FREM2: variants seen among roughly 807,000 people sequenced by gnomAD.
FREM2 encodes FRAS1 related extracellular matrix 2.
In FREM2, 119 loss-of-function variants were observed where a neutral mutation model predicts 219.9. That is an observed-to-expected ratio of 0.54 (90% CI 0.47 to 0.63). The LOEUF is 0.63. Among genes scored for constraint, FREM2 ranks in the 30% least tolerant of loss-of-function variants. The pLI, the probability that FREM2 is intolerant of heterozygous loss-of-function variation, is 0.00. For synonymous variants in FREM2, 1,562 were observed against 1,522.8 expected (o/e 1.03, Z -0.60); for missense variants, 4,030 against 3,993.6 (o/e 1.01, Z -0.25).
chr13:38,688,260 C>G lies in FREM2; in HGVS notation c.916C>G (p.Leu306Val). 1 of 1,614,026 alleles carries G rather than the reference C, an allele frequency of 6.2e-7. No homozygotes were observed. The highest frequency in any genetic ancestry group is 8.5e-7 in the Non-Finnish European group (1 of 1,180,032). The change falls in exon 1 of 24, where the codon CTG becomes GTG. Residue 306 changes from leucine to valine, a missense_variant. Leu to Val is a conservative substitution (Grantham distance 32). Around this residue, in one of 2 missense-constraint regions of FREM2, gnomAD observed 3,102 missense variants for 2,950.7 expected, o/e 1.05. Transcript: ENST00000280481. ...PALKREHFQV[L>V]VRIRGGAENT... ...TTTGAAACGCGAGCACTTCCAGGTT[C>G]TGGTGAGGATCCGAGGAGGGGCCGA...
intron 2 of FREM2, among the ~76,000 whole-genome samples, chr13:38,756,225 C>T (rs1872991126): frequency 6.6e-6 from 1 of 152,188 alleles, no homozygotes; most frequent in South Asian, 2.1e-4. Context: ...AGTTACGTTT[C>T]CGTAAAATCA....
chr13:38,698,951 C>A (rs1234352822), intron 2 of FREM2, among the ~76,000 whole-genome samples: 1 of 151,888 alleles, frequency 6.6e-6, no homozygotes, highest in Admixed American at 6.6e-5. Flanking sequence ...TTTGAGTAAC[C>A]AAATCATAGT....
intron 6 of FREM2, among the ~76,000 whole-genome samples, chr13:38,808,993 A>T (rs1426694668): frequency 6.6e-6 from 1 of 151,858 alleles, no homozygotes; most frequent in Non-Finnish European, 1.5e-5. Context: ...GCTTTTCTCC[A>T]TCTCTTCTCC....
intron 2 of FREM2, among the ~76,000 whole-genome samples, chr13:38,708,659 A>G (rs1430948035): frequency 6.6e-6 from 1 of 152,134 alleles, no homozygotes; most frequent in Non-Finnish European, 1.5e-5. Context: ...GTCTCAATAA[A>G]TAAATAAATA....
At chr13:38,796,060 CAT>C (rs1874765334) in intron 6 of FREM2, among the ~76,000 whole-genome samples, 1 of 151,832 alleles carries the variant, frequency 6.6e-6, no homozygotes, top group African/African-American at 2.4e-5. Context: ...TTGGGAAGCT[CAT>C]AGAATCATTA....
At chr13:38,775,502 G>A (rs952241703) in intron 4 of FREM2, among the ~76,000 whole-genome samples, 2 of 152,010 alleles carry the variant, frequency 1.3e-5, no homozygotes, top group Non-Finnish European at 2.9e-5. Context: ...ACTGAGTAGT[G>A]GATAAGCAAA....
At chr13:38,839,273 T>C (rs1365212973) in intron 6 of FREM2, among the ~76,000 whole-genome samples, 1 of 152,220 alleles carries the variant, frequency 6.6e-6, no homozygotes, top group African/African-American at 2.4e-5. Context: ...CCCGTTTGCC[T>C]GGGTATCACC....
At chr13:38,871,687 A>G (rs1424410584) in intron 16 of FREM2, among the ~76,000 whole-genome samples, 2 of 152,182 alleles carry the variant, frequency 1.3e-5, no homozygotes, top group African/African-American at 4.8e-5. Flanking sequence ...GTCTCTTTCT[A>G]TCCGTCATCC....
rs555193496 is a variant in FREM2 at position 38,688,059 on chromosome 13, G to A, written c.715G>A (p.Val239Ile). The A allele has an allele frequency of 5.0e-6, 8 of 1,608,618 alleles. No individual in the cohort carries two copies. In the African/African-American group the frequency reaches 8.0e-5, roughly 16 times the overall value. ...RYGELLHYPQ[V>I]PGGAREGGAP... ...TGGAGAACTCCTCCACTACCCGCAG[G>A]TCCCTGGAGGAGCCAGAGAGGGAGG... The change falls in exon 1 of 24, where the codon GTC becomes ATC. Residue 239 changes from valine (V) to isoleucine (I), a missense_variant. Val to Ile is a conservative substitution (Grantham distance 29). Coordinates refer to ENST00000280481, the MANE Select transcript of FREM2 (RefSeq NM_207361.6).
intron 8 of FREM2, 26 bp from the exon 9 acceptor site, chr13:38,850,012 T>C (rs1877307575): frequency 6.3e-7 from 1 of 1,597,626 alleles, no homozygotes; most frequent in African/African-American, 1.3e-5. Flanking sequence ...GAAATTTCTG[T>C]TCACTTTAAT....
At chr13:38,731,128 T>A (rs1479281109) in intron 2 of FREM2, among the ~76,000 whole-genome samples, 1 of 152,216 alleles carries the variant, frequency 6.6e-6, no homozygotes, top group Non-Finnish European at 1.5e-5. Flanking sequence ...CTGAACATGC[T>A]CCCATAGCCG....
intron 2 of FREM2, 70 bp downstream of exon 2, chr13:38,697,857 T>C (rs1566108336): frequency 1.2e-6 from 1 of 856,040 alleles, no homozygotes; most frequent in East Asian, 2.4e-5. Context: ...CTGATGACAT[T>C]ATTACAAGAA....
At chr13:38,717,190 A>T (rs537186462) in intron 2 of FREM2, among the ~76,000 whole-genome samples, 2 of 152,268 alleles carry the variant, frequency 1.3e-5, no homozygotes, top group East Asian at 3.9e-4. Flanking sequence ...GGTTAGGGGA[A>T]CAAAAGGGAG....
rs77006689 is a variant in FREM2 at position 38,852,717 on chromosome 13, T to G, written c.6925+849T>G. 4.9e-3 allele frequency among the ~76,000 whole-genome samples: 747 copies of G among 151,302 alleles called. 28 individuals carry two copies. The East Asian group carries it at 0.1, about 21-fold the overall frequency. On this transcript the variant is annotated intron_variant, in intron 11 of 23. Coordinates refer to ENST00000280481, the MANE Select transcript of FREM2 (RefSeq NM_207361.6). ...CCATGTCACCATCTTTTTTTTTTTT[T>G]TTTTTGAGACAGAGTCTCACGCTGT...
rs751699248 is a variant in FREM2 at position 38,880,815 on chromosome 13, C to T, written c.*28C>T. The T allele has an allele frequency of 2.9e-5, 47 of 1,613,046 alleles. 1 individual carries two copies. In the Admixed American group the frequency reaches 5.7e-4, roughly 19 times the overall value. On this transcript the variant is annotated 3_prime_UTR_variant, in exon 24 of 24. Transcript: ENST00000280481. Reference sequence around the variant, plus strand: ...ACTGCAGGTAGAATTCAACCTTTTCCGTAAGTGCCTCGGAAAAGATCACAA... The same window carrying T: ...ACTGCAGGTAGAATTCAACCTTTTCTGTAAGTGCCTCGGAAAAGATCACAA...
intron 6 of FREM2, among the ~76,000 whole-genome samples, chr13:38,794,647 G>A (rs1420909280): frequency 6.6e-6 from 1 of 151,304 alleles, no homozygotes; most frequent in Admixed American, 6.6e-5. Flanking sequence ...TTTTACCTGT[G>A]TATTCTTCGT....
At position 38,690,004 on chromosome 13, in the gene FREM2, G is replaced by C. The variant is rs770048601; in HGVS notation, c.2660G>C (p.Gly887Ala). ...GTGTCTGGACAGATCCTGCATGTAG[G>C]GGGTCTCTTCCACTTGGAGGACATA... Reference protein sequence around the residue: ...MRVSGQILHVGGLFHLEDIKQ... With the variant: ...MRVSGQILHVAGLFHLEDIKQ... The change falls in exon 1 of 24, where the codon GGG (glycine) becomes GCG (alanine). Residue 887 changes from glycine to alanine, a missense_variant. Transcript: ENST00000280481. The C allele has an allele frequency of 6.2e-7, 1 of 1,614,030 alleles. No individual in the cohort carries two copies.
Position 38,689,769 on chromosome 13 carries a change from C to A in FREM2, c.2425C>A (p.Arg809=), listed in dbSNP as rs761047751. Residue 809 remains arginine, a synonymous_variant, in exon 1 of 24, where the codon CGA becomes AGA. Transcript: ENST00000280481. ...VAQFQFQVED[R]AGNVAPGTFT... ...CCAGTTCCAGTTCCAGGTGGAAGAC[C>A]GAGCTGGGAATGTGGCTCCAGGTAC... 6.2e-7 allele frequency: 1 copy of A among 1,613,166 alleles called. No individual in the cohort carries two copies. Among genetic ancestry groups the A allele is most frequent in the South Asian group, 1.1e-5 (1 of 90,904 alleles).
intron 5 of FREM2, 131 bp from the exon 6 acceptor site, chr13:38,784,426 C>T (rs189997268): frequency 2.4e-4 from 216 of 888,522 alleles, no homozygotes; most frequent in Admixed American, 1.2e-3. Context: ...TACGTAGTTG[C>T]TATTGCAGTT....
Sources: gnomAD v4.1 joint callset for allele counts (sites outside exome capture counted in the v4.1 genomes callset) on GRCh38, gnomAD v4.1.1 for gene constraint, gnomAD v4.1.1 regional missense constraint, MANE v1.5 for transcripts, NCBI Gene and HGNC (gene_info 2026-07-23, HGNC 2026-07-21) for gene names.